Variants in SLC9C1 observed in about 807,000 individuals in gnomAD.
The protein encoded by SLC9C1 is sodium/hydrogen exchanger 10.
A neutral mutation model predicts 140.9 loss-of-function variants in SLC9C1; 97 were observed. The observed-to-expected ratio is 0.69, with a 90% CI of 0.58 to 0.82. The LOEUF (loss-of-function observed/expected upper bound fraction) is 0.82. Ranked by LOEUF, SLC9C1 falls within the 40% of genes least tolerant of loss-of-function variation. The pLI is 0.00. For missense variants in SLC9C1, 1,340 were observed against 1,389.3 expected (o/e 0.96, Z 0.56); for synonymous variants, 440 against 442.6 (o/e 0.99, Z 0.07).
chr3:112,204,127 G>A, intron 17 of SLC9C1, 91 bp downstream of exon 17: 3 of 1,278,324 alleles, frequency 2.3e-6, no homozygotes, highest in South Asian at 2.2e-5. Flanking sequence ...AACAGAATAT[G>A]TTAACCATAA....
intron 12 of SLC9C1, among the ~76,000 whole-genome samples, chr3:112,232,634 T>C (rs1319723585): frequency 1.3e-5 from 2 of 152,138 alleles, no homozygotes; most frequent in South Asian, 2.1e-4. Context: ...GCCCCTCATA[T>C]TGTGTTTTGC....
intron 26 of SLC9C1, among the ~76,000 whole-genome samples, chr3:112,164,607 C>G (rs953306921): frequency 6.6e-6 from 1 of 151,014 alleles, no homozygotes; most frequent in Non-Finnish European, 1.5e-5. Context: ...GGCCCCCACT[C>G]TCTTCTTGCT....
intron 23 of SLC9C1, among the ~76,000 whole-genome samples, chr3:112,176,212 C>T (rs1208835639): frequency 1.3e-5 from 2 of 152,178 alleles, no homozygotes; most frequent in African/African-American, 4.8e-5. Context: ...TCCTGGGACT[C>T]CTCATTCACT....
Position 112,180,762 on chromosome 3 carries a change from G to A in SLC9C1, c.2650-100C>T, listed in dbSNP as rs1576286020. The A allele has an allele frequency of 8.5e-6, 8 of 941,370 alleles. No individual in the cohort carries two copies. The East Asian group carries it at 2.1e-4, about 24-fold the overall frequency. 58.3% of individuals were successfully genotyped at this position (941,370 alleles called of 1,614,324 possible). A position where few individuals can be genotyped will look rare whatever the true frequency, so the allele number is the denominator to read the frequency against. ...TTGTTATTTATTTTTTTGAGACGGAGTCTCGCTCTGTCACCCATACTGGAG... is the reference window on the plus strand; with the variant it reads ...TTGTTATTTATTTTTTTGAGACGGAATCTCGCTCTGTCACCCATACTGGAG... On this transcript the variant is annotated intron_variant, in intron 21 of 28. Coordinates refer to ENST00000305815, the MANE Select transcript of SLC9C1 (RefSeq NM_183061.3).
At chr3:112,193,903 G>C (rs2077716975) in intron 20 of SLC9C1, among the ~76,000 whole-genome samples, 1 of 152,056 alleles carries the variant, frequency 6.6e-6, no homozygotes, top group African/African-American at 2.4e-5. Flanking sequence ...AGCCACAGCT[G>C]ATCCTAGGCC....
intron 11 of SLC9C1, among the ~76,000 whole-genome samples, chr3:112,241,354 AC>A (rs200733124): frequency 0.33 from 44,808 of 136,628 alleles, 6,786 homozygotes; most frequent in East Asian, 0.45. Context: ...GAAAATAGCC[AC>A]AAAAAAAGAG....
intron 23 of SLC9C1, among the ~76,000 whole-genome samples, chr3:112,175,800 A>G (rs1394360750): frequency 2.0e-5 from 3 of 152,164 alleles, no homozygotes; most frequent in Non-Finnish European, 4.4e-5. Context: ...CTGGAGCCCT[A>G]AGGCAACAGT....
chr3:112,241,786 G>T, intron 11 of SLC9C1, among the ~76,000 whole-genome samples: 1 of 152,048 alleles, frequency 6.6e-6, no homozygotes, highest in Non-Finnish European at 1.5e-5. Flanking sequence ...GAACCCAGAA[G>T]AAAAGCTGCA....
At position 112,221,374 on chromosome 3, in the gene SLC9C1, A is replaced by C. The variant is rs1576376219; in HGVS notation, c.1573-149T>G. On this transcript the variant is annotated intron_variant, in intron 13 of 28. Transcript: ENST00000305815. ...AATATTTCTATGGAGTTCAGATTAT[A>C]AGATTACTGGATAAGGTAGGTCTTG... 6 of 709,280 alleles carry C rather than the reference A, an allele frequency of 8.5e-6. No homozygotes were observed. In the East Asian group the frequency reaches 1.7e-4, roughly 20 times the overall value. 43.9% of individuals were successfully genotyped at this position (709,280 alleles called of 1,614,324 possible). A position where few individuals can be genotyped will look rare whatever the true frequency, so the allele number is the denominator to read the frequency against.
At chr3:112,204,005 T>C (rs1195156257) in intron 17 of SLC9C1, among the ~76,000 whole-genome samples, 2 of 152,008 alleles carry the variant, frequency 1.3e-5, no homozygotes, top group African/African-American at 4.8e-5. Flanking sequence ...AGTATGTCTA[T>C]ACTTTCACAT....
chr3:112,202,304 T>C lies in SLC9C1; in HGVS notation c.2268A>G (p.Glu756=), dbSNP rs2077926216. ...GATCAATTATGGTCATTATGTCTGCTTCGCCTTGGACATAGCCTTTTAGTA... is the reference window on the plus strand; with the variant it reads ...GATCAATTATGGTCATTATGTCTGCCTCGCCTTGGACATAGCCTTTTAGTA... ...YGILKGYVQG[E]ADIMTIIDQI... Residue 756 remains glutamate, a synonymous_variant, in exon 18 of 29, where the codon GAA becomes GAG. Coordinates refer to ENST00000305815, the MANE Select transcript of SLC9C1 (RefSeq NM_183061.3). 1 of 1,611,488 alleles carries C rather than the reference T, an allele frequency of 6.2e-7. No individual in the cohort carries two copies. Among genetic ancestry groups the C allele is most frequent in the Admixed American group, 1.7e-5 (1 of 59,756 alleles).
At chr3:112,288,627 G>A (rs6769263) in intron 1 of SLC9C1, among the ~76,000 whole-genome samples, 151,468 of 152,310 alleles carry the variant, frequency 0.99, 75,321 homozygotes, top group Middle Eastern at 1. Context: ...TGTGGTGCTC[G>A]CCTATGGTCC....
chr3:112,144,209 G>A (rs1243316977), intron 28 of SLC9C1, among the ~76,000 whole-genome samples: 8 of 120,766 alleles, frequency 6.6e-5, no homozygotes, highest in African/African-American at 2.2e-4. Flanking sequence ...ACAGAGTCTC[G>A]CACTGTCGCC....
At chr3:112,230,634 C>T (rs2078795152) in intron 13 of SLC9C1, among the ~76,000 whole-genome samples, 1 of 152,082 alleles carries the variant, frequency 6.6e-6, no homozygotes, top group Non-Finnish European at 1.5e-5. Context: ...CTCCCACTTC[C>T]CTAGTTAGAC....
At chr3:112,291,012 C>A (rs2080666435) in intron 1 of SLC9C1, among the ~76,000 whole-genome samples, 1 of 152,170 alleles carries the variant, frequency 6.6e-6, no homozygotes, top group Non-Finnish European at 1.5e-5. Flanking sequence ...ACACTCTGTG[C>A]CTTTTAATTG....
At chr3:112,152,558 C>T (rs2075016851) in intron 27 of SLC9C1, among the ~76,000 whole-genome samples, 1 of 151,932 alleles carries the variant, frequency 6.6e-6, no homozygotes, top group South Asian at 2.1e-4. Flanking sequence ...TTTCACTAAT[C>T]CTCCTCAGCA....
intron 11 of SLC9C1, 117 bp from the exon 12 acceptor site, chr3:112,240,123 T>C: frequency 1.0e-6 from 1 of 957,728 alleles, no homozygotes; most frequent in Non-Finnish European, 1.5e-6. Flanking sequence ...AATTTCAACA[T>C]AAACTGTTTA....
At chr3:112,184,561 G>A (rs1230411582) in intron 20 of SLC9C1, among the ~76,000 whole-genome samples, 2 of 152,020 alleles carry the variant, frequency 1.3e-5, no homozygotes, top group East Asian at 1.9e-4. Context: ...GCTTGAACCC[G>A]GGAGACGGGG....
chr3:112,204,596 A>G (rs1426797444), intron 16 of SLC9C1, among the ~76,000 whole-genome samples, 193 bp from the exon 17 acceptor site: 1 of 152,082 alleles, frequency 6.6e-6, no homozygotes, highest in Non-Finnish European at 1.5e-5. Context: ...TCCTAGAACT[A>G]TTAATTTAGG....
Sources: allele counts gnomAD v4.1 joint callset (sites outside exome capture counted in the v4.1 genomes callset), GRCh38; gene constraint gnomAD v4.1.1; transcripts MANE v1.5; gene names NCBI Gene and HGNC (gene_info 2026-07-23, HGNC 2026-07-21).